The following ASCC1 variants were observed in gnomAD, a reference collection of about 807,000 sequenced individuals.
ASCC1 encodes the protein activating signal cointegrator 1 complex subunit 1.
ASCC1 carries 35 observed loss-of-function variants against 46.6 expected under a neutral mutation model. That is an observed-to-expected ratio of 0.75 (90% CI 0.57 to 0.99). ASCC1 has a LOEUF of 0.99. Ranked by LOEUF, ASCC1 falls within the 50% of genes least tolerant of loss-of-function variation. The probability of loss-of-function intolerance (pLI) is 0.00; values close to 1 mark genes in which losing one functional copy is unlikely to be tolerated. For synonymous variants in ASCC1, 143 were observed against 146.6 expected, an observed-to-expected ratio of 0.98 and a Z score of 0.18; for missense variants, 376 against 428.7, an observed-to-expected ratio of 0.88 and a Z score of 1.09.
At chr10:72,161,859 C>A (rs891837391) in intron 5 of ASCC1, among the ~76,000 whole-genome samples, 185 bp from the exon 6 acceptor site, 6 of 152,066 alleles carry the variant, frequency 3.9e-5, no homozygotes, top group African/African-American at 1.4e-4. Flanking sequence ...TACCCACATG[C>A]AAAAGAATAA....
intron 9 of ASCC1, among the ~76,000 whole-genome samples, chr10:72,106,885 T>C (rs1333360392): frequency 6.6e-6 from 1 of 152,166 alleles, no homozygotes; most frequent in Non-Finnish European, 1.5e-5. Flanking sequence ...GAAGGCCACG[T>C]CCACAAGGCA....
intron 3 of ASCC1, among the ~76,000 whole-genome samples, chr10:72,207,308 G>A (rs2133436802): frequency 6.6e-6 from 1 of 152,244 alleles, no homozygotes; most frequent in African/African-American, 2.4e-5. Context: ...CAGCTACTCG[G>A]GAGGCCGAAG....
chr10:72,147,747 T>C (rs184907417), intron 7 of ASCC1, among the ~76,000 whole-genome samples: 2 of 152,306 alleles, frequency 1.3e-5, no homozygotes, highest in African/African-American at 4.8e-5. Flanking sequence ...ACAGTATTTA[T>C]CTTACACAGA....
chr10:72,178,506 C>T (rs1397119821), intron 5 of ASCC1, among the ~76,000 whole-genome samples: 1 of 152,172 alleles, frequency 6.6e-6, no homozygotes, highest in Non-Finnish European at 1.5e-5. Flanking sequence ...GTCAAGGAAA[C>T]GGCACTTTCA....
intron 9 of ASCC1, among the ~76,000 whole-genome samples, chr10:72,100,098 C>T (rs1054858711): frequency 6.6e-6 from 1 of 152,166 alleles, no homozygotes; most frequent in South Asian, 2.1e-4. Flanking sequence ...CTCATCCAGA[C>T]GTCCCTAGTG....
At chr10:72,153,483 T>C (rs760650097) in intron 6 of ASCC1, among the ~76,000 whole-genome samples, 1 of 152,184 alleles carries the variant, frequency 6.6e-6, no homozygotes, top group African/African-American at 2.4e-5. Flanking sequence ...TGGAGTACAG[T>C]GGCGTGATCT....
At chr10:72,135,617 C>G (rs1159483758) in intron 7 of ASCC1, among the ~76,000 whole-genome samples, 1 of 152,058 alleles carries the variant, frequency 6.6e-6, no homozygotes, top group East Asian at 1.9e-4. Context: ...TCAGTAGTTA[C>G]AGAGTGAGGT....
chr10:72,215,268 G>A (rs745810362), intron 1 of ASCC1, among the ~76,000 whole-genome samples: 6 of 152,122 alleles, frequency 3.9e-5, no homozygotes, highest in Non-Finnish European at 8.8e-5. Flanking sequence ...GTGTGGTGGC[G>A]GGCGCCTGTA....
intron 3 of ASCC1, among the ~76,000 whole-genome samples, chr10:72,207,607 G>C (rs907289646): frequency 1.3e-5 from 2 of 151,982 alleles, no homozygotes; most frequent in East Asian, 1.9e-4. Flanking sequence ...TGATTTAATC[G>C]GTCTGGGGTG....
intron 6 of ASCC1, chr10:72,159,100 C>T (rs1849325269): frequency 6.6e-6 from 1 of 152,160 alleles, no homozygotes; most frequent in African/African-American, 2.4e-5. Flanking sequence ...GCTGGTTCCA[C>T]ATCTTTCCAG....
chr10:72,128,963 A>G (rs1845224508), intron 8 of ASCC1, among the ~76,000 whole-genome samples: 1 of 152,210 alleles, frequency 6.6e-6, no homozygotes, highest in African/African-American at 2.4e-5. Context: ...AATATTAATC[A>G]TTTCCTACCC....
At chr10:72,103,470 T>G (rs920438858) in intron 9 of ASCC1, among the ~76,000 whole-genome samples, 3 of 152,096 alleles carry the variant, frequency 2.0e-5, no homozygotes, top group African/African-American at 7.3e-5. Flanking sequence ...CAGATGAGCC[T>G]TAGGTTTAGA....
chr10:72,210,495 G>C (rs888023169), intron 3 of ASCC1, among the ~76,000 whole-genome samples: 1 of 152,076 alleles, frequency 6.6e-6, no homozygotes, highest in African/African-American at 2.4e-5. Flanking sequence ...CCAGCCTCAG[G>C]TATTTCTTTA....
chr10:72,163,998 T>C (rs1319119157), intron 5 of ASCC1, among the ~76,000 whole-genome samples: 2 of 152,190 alleles, frequency 1.3e-5, no homozygotes, highest in Admixed American at 1.3e-4. Flanking sequence ...AGTCTTGCTC[T>C]GTCATCCAGG....
At chr10:72,190,191 C>T in intron 5 of ASCC1, 1 of 764,124 alleles carries the variant, frequency 1.3e-6, no homozygotes, top group Non-Finnish European at 2.4e-6. Flanking sequence ...TACGGCAAGC[C>T]TGTCCATCAT....
At chr10:72,204,139 C>T (rs1048098209) in intron 3 of ASCC1, among the ~76,000 whole-genome samples, 57 of 152,260 alleles carry the variant, frequency 3.7e-4, no homozygotes, top group Non-Finnish European at 5.7e-4. Context: ...ATCCCAGCTA[C>T]TTGGGAGGCT....
chr10:72,173,974 AG>A (rs1851557024), intron 5 of ASCC1, among the ~76,000 whole-genome samples: 1 of 152,256 alleles, frequency 6.6e-6, no homozygotes, highest in Non-Finnish European at 1.5e-5. Context: ...CAAAGAGTGA[AG>A]TAACAGGAAT....
chr10:72,186,996 T>C (rs1467266650), intron 5 of ASCC1, among the ~76,000 whole-genome samples: 2 of 151,262 alleles, frequency 1.3e-5, no homozygotes, highest in East Asian at 3.9e-4. Context: ...GCTTGTCTTA[T>C]ACCTGGTATT....
intron 9 of ASCC1, chr10:72,102,230 T>A (rs1310499920): frequency 1.0e-6 from 1 of 980,546 alleles, no homozygotes. Flanking sequence ...AATGGGTGTA[T>A]ATGAGGCTGC....
Sources: allele counts gnomAD v4.1 joint callset (sites outside exome capture counted in the v4.1 genomes callset), GRCh38; gene constraint gnomAD v4.1.1; transcripts MANE v1.5; gene names NCBI Gene and HGNC (gene_info 2026-07-23, HGNC 2026-07-21).